VPS13B: variants seen among roughly 807,000 people sequenced by gnomAD.
VPS13B encodes the protein intermembrane lipid transfer protein VPS13B.
Under a neutral mutation model 426.4 loss-of-function variants are expected in VPS13B, and 285 were observed. The ratio of observed to expected loss-of-function variants is 0.67; its 90% confidence interval spans 0.61 to 0.74. VPS13B has a LOEUF of 0.74. VPS13B is among the 30% of genes least tolerant of loss of function. VPS13B has a pLI of 0.00. For synonymous variants in VPS13B, 1,676 were observed against 1,676.4 expected, an observed-to-expected ratio of 1.00 and a Z score of 0.01; for missense variants, 4,537 against 4,782.6, an observed-to-expected ratio of 0.95 and a Z score of 1.51.
intron 43 of VPS13B, among the ~76,000 whole-genome samples, chr8:99,794,404 A>G (rs1244599227): frequency 6.6e-6 from 1 of 152,222 alleles, no homozygotes; most frequent in African/African-American, 2.4e-5. Context: ...ATTTCCATGT[A>G]TAAAAGTAGG....
At chr8:99,584,764 A>G (rs1454300253) in intron 33 of VPS13B, among the ~76,000 whole-genome samples, 1 of 152,218 alleles carries the variant, frequency 6.6e-6, no homozygotes, top group African/African-American at 2.4e-5. Context: ...AGAAAAGAGT[A>G]GCCTATTTAT....
At chr8:99,335,832 G>A (rs190942529) in intron 19 of VPS13B, among the ~76,000 whole-genome samples, 3,896 of 152,222 alleles carry the variant, frequency 0.026, 73 homozygotes, top group Non-Finnish European at 0.038. Context: ...TCTTCAAGGA[G>A]AACTACAAAC....
chr8:99,633,291 C>A (rs1408800837), intron 33 of VPS13B, among the ~76,000 whole-genome samples: 2 of 151,976 alleles, frequency 1.3e-5, no homozygotes, highest in Non-Finnish European at 2.9e-5. Flanking sequence ...AAGGCAGAGG[C>A]CCACTGGAAT....
At chr8:99,111,991 C>T (rs144593179) in intron 6 of VPS13B, among the ~76,000 whole-genome samples, 4,307 of 152,158 alleles carry the variant, frequency 0.028, 84 homozygotes, top group Middle Eastern at 0.068. Context: ...CTGTTGTTCC[C>T]ATCTTTATGT....
In VPS13B at chr8:99,630,682, G is replaced by GA. The variant is rs60440081; in HGVS notation, c.5221-11121dup. On this transcript the variant is annotated intron_variant, in intron 33 of 61. Coordinates refer to ENST00000357162, the MANE Select transcript of VPS13B (RefSeq NM_152564.5). ...CTAGGTGCTAGGTGATAATGTAGGGGAAAAAAAACCCTCTCAAATTCTGTT... is the reference window on the plus strand; with the variant it reads ...CTAGGTGCTAGGTGATAATGTAGGGGAAAAAAAAACCCTCTCAAATTCTGTT... Among the ~76,000 whole-genome samples the GA allele has an allele frequency of 6.4e-4, 97 of 150,882 alleles. 1 individual carries two copies. The highest frequency in any genetic ancestry group is 3.4e-3 in the Middle Eastern group (1 of 294).
intron 3 of VPS13B, among the ~76,000 whole-genome samples, chr8:99,094,515 A>G (rs768198722): frequency 1.3e-5 from 2 of 152,342 alleles, no homozygotes; most frequent in Non-Finnish European, 2.9e-5. Flanking sequence ...TAAAATGAAC[A>G]TAAGTTCATG....
At chr8:99,261,297 C>T (rs1026728647) in intron 17 of VPS13B, among the ~76,000 whole-genome samples, 2 of 152,118 alleles carry the variant, frequency 1.3e-5, no homozygotes, top group Admixed American at 6.6e-5. Context: ...CCCCCACCAG[C>T]CAAACCCTAG....
intron 58 of VPS13B, among the ~76,000 whole-genome samples, chr8:99,865,055 G>A (rs978157245): frequency 2.0e-5 from 3 of 152,182 alleles, no homozygotes; most frequent in South Asian, 2.1e-4. Context: ...ATGCCCAGCC[G>A]CACTGCCCCA....
At chr8:99,595,354 A>G (rs992208919) in intron 33 of VPS13B, among the ~76,000 whole-genome samples, 5 of 151,952 alleles carry the variant, frequency 3.3e-5, no homozygotes, top group Non-Finnish European at 7.4e-5. Context: ...TTGACAAGGT[A>G]GTCTAGATCA....
At chr8:99,611,763 T>C (rs1827853177) in intron 33 of VPS13B, among the ~76,000 whole-genome samples, 1 of 152,070 alleles carries the variant, frequency 6.6e-6, no homozygotes, top group African/African-American at 2.4e-5. Flanking sequence ...TTTTAGCCTT[T>C]CTATAAACTT....
At chr8:99,651,004 A>G (rs1361771618) in intron 34 of VPS13B, among the ~76,000 whole-genome samples, 6 of 152,180 alleles carry the variant, frequency 3.9e-5, no homozygotes, top group Non-Finnish European at 8.8e-5. Flanking sequence ...TAAAGTATAC[A>G]GTAGGATATA....
In VPS13B at chr8:99,469,826, G is replaced by A. The variant is rs60125482; in HGVS notation, c.3666+2192G>A. ...ATGTGACTGGTATCCTTATAAAATA[G>A]AAAAATTTGGACATAGACACATACA... On this transcript the variant is annotated intron_variant, in intron 24 of 61. Transcript: ENST00000357162. Among the ~76,000 whole-genome samples, 3 of 152,206 alleles carry A rather than the reference G, an allele frequency of 2.0e-5. No individual in the cohort carries two copies. In the East Asian group the frequency reaches 5.8e-4, roughly 29 times the overall value.
intron 24 of VPS13B, among the ~76,000 whole-genome samples, chr8:99,477,446 C>T (rs1272424440): frequency 6.6e-6 from 1 of 152,156 alleles, no homozygotes. Flanking sequence ...AGCCGTGAGC[C>T]AATTCTCAGA....
At chr8:99,055,887 G>T (rs1330396303) in intron 3 of VPS13B, among the ~76,000 whole-genome samples, 1 of 146,176 alleles carries the variant, frequency 6.8e-6, no homozygotes, top group African/African-American at 2.6e-5. Context: ...ATGCCACAGT[G>T]CCTGGCTAAT....
intron 4 of VPS13B, among the ~76,000 whole-genome samples, chr8:99,099,444 C>T (rs1846610589): frequency 6.6e-6 from 1 of 152,150 alleles, no homozygotes; most frequent in Non-Finnish European, 1.5e-5. Context: ...GTGACCACAT[C>T]AAGATGAATC....
intron 39 of VPS13B, among the ~76,000 whole-genome samples, chr8:99,721,444 A>G (rs1833130111): frequency 6.6e-6 from 1 of 152,160 alleles, no homozygotes. Context: ...AGATGACTGT[A>G]GTTTTCATTT....
At chr8:99,415,428 C>T (rs1472558332) in intron 21 of VPS13B, among the ~76,000 whole-genome samples, 2 of 152,132 alleles carry the variant, frequency 1.3e-5, no homozygotes, top group Non-Finnish European at 2.9e-5. Context: ...ATTTGTCAAA[C>T]TCATTCTCCA....
At chr8:99,726,633 A>G (rs1833360818) in intron 39 of VPS13B, among the ~76,000 whole-genome samples, 1 of 152,234 alleles carries the variant, frequency 6.6e-6, no homozygotes, top group African/African-American at 2.4e-5. Flanking sequence ...TATGAAAACA[A>G]GAAGAATACA....
intron 3 of VPS13B, among the ~76,000 whole-genome samples, chr8:99,071,159 TG>T (rs1844830863): frequency 6.6e-6 from 1 of 152,118 alleles, no homozygotes; most frequent in Non-Finnish European, 1.5e-5. Context: ...GGATGTTTGT[TG>T]GTTTTTGGGC....
Sources: gnomAD v4.1 joint callset for allele counts (sites outside exome capture counted in the v4.1 genomes callset) on GRCh38, gnomAD v4.1.1 for gene constraint, MANE v1.5 for transcripts, NCBI Gene and HGNC (gene_info 2026-07-23, HGNC 2026-07-21) for gene names.